ABCA13: variants seen among roughly 807,000 people sequenced by gnomAD.
ABCA13 encodes the protein ATP binding cassette subfamily A member 13, also known as ATP-binding cassette sub-family A member 13.
A neutral mutation model predicts 478.7 loss-of-function variants in ABCA13; 476 were observed. The observed-to-expected ratio is 0.99, with a 90% CI of 0.92 to 1.07. The LOEUF is 1.07. ABCA13 is among the 50% of genes least tolerant of loss of function. The pLI is 0.00. For missense variants in ABCA13, 6,060 were observed against 5,910.6 expected (o/e 1.03, Z -0.83); for synonymous variants, 2,252 against 2,158.9 (o/e 1.04, Z -1.20).
intron 43 of ABCA13, among the ~76,000 whole-genome samples, chr7:48,465,574 A>G (rs1826785299): frequency 6.7e-6 from 1 of 148,244 alleles, no homozygotes; most frequent in African/African-American, 2.5e-5. Flanking sequence ...TATTGCTCAT[A>G]ATAATTATAC....
intron 6 of ABCA13, among the ~76,000 whole-genome samples, chr7:48,228,724 A>G (rs1343085853): frequency 3.3e-5 from 5 of 152,204 alleles, no homozygotes; most frequent in Non-Finnish European, 5.9e-5. Flanking sequence ...CTATTTGTCA[A>G]TGTAGGAAAA....
intron 1 of ABCA13, among the ~76,000 whole-genome samples, chr7:48,182,197 A>G (rs1035910898): frequency 1.3e-5 from 2 of 152,232 alleles, no homozygotes; most frequent in Non-Finnish European, 2.9e-5. Flanking sequence ...AAATATGTAT[A>G]TTTAACTCCA....
At chr7:48,208,998 G>A (rs537696092) in intron 3 of ABCA13, among the ~76,000 whole-genome samples, 11 of 152,050 alleles carry the variant, frequency 7.2e-5, no homozygotes, top group Non-Finnish European at 1.3e-4. Flanking sequence ...TTTTTTGAGA[G>A]TTTGTATCAT....
intron 55 of ABCA13, among the ~76,000 whole-genome samples, chr7:48,578,108 A>C (rs2131353316): frequency 6.6e-6 from 1 of 152,244 alleles, no homozygotes; most frequent in Admixed American, 6.5e-5. Flanking sequence ...ATAAACCTTC[A>C]AGTGATATAC....
chr7:48,439,926 T>A (rs1339934586), intron 42 of ABCA13, among the ~76,000 whole-genome samples: 1 of 152,228 alleles, frequency 6.6e-6, no homozygotes, highest in East Asian at 1.9e-4. Context: ...GTACATGGGT[T>A]TGAGTCATTG....
chr7:48,258,834 AATT>A (rs1419295317), intron 15 of ABCA13, among the ~76,000 whole-genome samples: 1 of 152,142 alleles, frequency 6.6e-6, no homozygotes, highest in Non-Finnish European at 1.5e-5. Context: ...GTTTTCTAAG[AATT>A]TTATATTTCT....
At chr7:48,404,927 G>A (rs73694612) in intron 39 of ABCA13, among the ~76,000 whole-genome samples, 3,536 of 152,364 alleles carry the variant, frequency 0.023, 128 homozygotes, top group African/African-American at 0.08. Flanking sequence ...AAGCAGATGT[G>A]ACTTTTTGTT....
chr7:48,511,751 A>G (rs1831703555), intron 51 of ABCA13, among the ~76,000 whole-genome samples: 1 of 152,158 alleles, frequency 6.6e-6, no homozygotes, highest in Non-Finnish European at 1.5e-5. Flanking sequence ...ATCCGGTATC[A>G]GGATATATAT....
rs201776351 is a variant in ABCA13 at position 48,375,607 on chromosome 7, G to GT, written c.11204-826dup. ...CATATATTTCATAGATATTTGTATG[G>GT]TTTTTTTTGGGGGGGGGTGTTTTTG... On this transcript the variant is annotated intron_variant, in intron 34 of 61. Coordinates refer to ENST00000435803, the MANE Select transcript of ABCA13 (RefSeq NM_152701.5). Among the ~76,000 whole-genome samples, 162 of 151,222 alleles carry GT rather than the reference G, an allele frequency of 1.1e-3. No homozygotes were observed. The East Asian group carries it at 0.027, about 25-fold the overall frequency.
intron 31 of ABCA13, among the ~76,000 whole-genome samples, chr7:48,362,409 C>CTTTTTTTTTTTTTTTTTTTTTTT (rs35795708): frequency 3.5e-5 from 3 of 86,012 alleles, no homozygotes; most frequent in Non-Finnish European, 4.4e-5. Flanking sequence ...TCCTCTTCTT[C>CTTTTTTTTTTTTTTTTTTTTTTT]TTTTTTTTTT....
At chr7:48,359,093 C>G (rs558148822) in intron 31 of ABCA13, among the ~76,000 whole-genome samples, 1 of 151,954 alleles carries the variant, frequency 6.6e-6, no homozygotes, top group East Asian at 1.9e-4. Context: ...TCAGCTCATA[C>G]GGGGTATTAA....
At chr7:48,575,749 G>A (rs1419243620) in intron 55 of ABCA13, among the ~76,000 whole-genome samples, 1 of 152,108 alleles carries the variant, frequency 6.6e-6, no homozygotes, top group East Asian at 1.9e-4. Context: ...AACATTTAAA[G>A]AGCTTGCAAG....
intron 55 of ABCA13, among the ~76,000 whole-genome samples, chr7:48,536,305 T>C (rs1833577885): frequency 6.6e-6 from 1 of 152,210 alleles, no homozygotes; most frequent in African/African-American, 2.4e-5. Context: ...AATGTAGACA[T>C]TATTTTGTTG....
chr7:48,188,541 A>T (rs968475744), intron 1 of ABCA13, among the ~76,000 whole-genome samples: 1 of 151,810 alleles, frequency 6.6e-6, no homozygotes, highest in Non-Finnish European at 1.5e-5. Flanking sequence ...GGCTTATTTG[A>T]TCTGCTCTAG....
At chr7:48,361,193 C>A (rs1810779810) in intron 31 of ABCA13, among the ~76,000 whole-genome samples, 1 of 151,832 alleles carries the variant, frequency 6.6e-6, no homozygotes, top group African/African-American at 2.4e-5. Flanking sequence ...AATCACAGCA[C>A]CTCTTTAAAA....
intron 1 of ABCA13, among the ~76,000 whole-genome samples, chr7:48,185,321 GC>G (rs1305235070): frequency 6.6e-6 from 1 of 152,124 alleles, no homozygotes; most frequent in African/African-American, 2.4e-5. Flanking sequence ...ATTACAGAAA[GC>G]TTTGTTATAT....
chr7:48,462,102 G>T (rs868053203), intron 43 of ABCA13, among the ~76,000 whole-genome samples: 1 of 152,288 alleles, frequency 6.6e-6, no homozygotes, highest in Middle Eastern at 3.4e-3. Flanking sequence ...TTTTCCAGAC[G>T]TGGAGAAGAG....
At chr7:48,478,205 G>GAT (rs937332316) in intron 45 of ABCA13, among the ~76,000 whole-genome samples, 1 of 145,830 alleles carries the variant, frequency 6.9e-6, no homozygotes, top group South Asian at 2.1e-4. Context: ...AAAATGATAT[G>GAT]ATATATATAC....
At chr7:48,446,045 G>GT (rs1272483092) in intron 42 of ABCA13, among the ~76,000 whole-genome samples, 1 of 152,142 alleles carries the variant, frequency 6.6e-6, no homozygotes, top group East Asian at 1.9e-4. Flanking sequence ...GCCAACTGAT[G>GT]TGGTCCCACT....
Sources: allele counts gnomAD v4.1 joint callset (sites outside exome capture counted in the v4.1 genomes callset), GRCh38; gene constraint gnomAD v4.1.1; transcripts MANE v1.5; gene names NCBI Gene and HGNC (gene_info 2026-07-23, HGNC 2026-07-21).